Variants in BORCS5 observed in about 807,000 individuals in gnomAD.
The protein encoded by BORCS5 is BLOC-1 related complex subunit 5.
In BORCS5, 17 loss-of-function variants were observed where a neutral mutation model predicts 22.1. The ratio of observed to expected loss-of-function variants is 0.77; its 90% CI spans 0.53 to 1.15. The LOEUF (loss-of-function observed/expected upper bound fraction) is 1.15, where lower values mean the gene tolerates loss of function less well. Ranked by LOEUF, BORCS5 falls within the 50% of genes most tolerant of loss-of-function variation. BORCS5 has a pLI of 0.00. For missense variants in BORCS5, 247 were observed against 253.2 expected (o/e 0.98, Z 0.17); for synonymous variants, 117 against 99.8 (o/e 1.17, Z -1.03).
chr12:12,455,435 T>G (rs1336925996), intron 3 of BORCS5, among the ~76,000 whole-genome samples: 1 of 152,190 alleles, frequency 6.6e-6, no homozygotes, highest in Admixed American at 6.5e-5. Context: ...AGACACCACA[T>G]TAAAAGCTAA....
At chr12:12,397,001 A>G (rs935428750) in intron 2 of BORCS5, among the ~76,000 whole-genome samples, 1 of 152,206 alleles carries the variant, frequency 6.6e-6, no homozygotes, top group South Asian at 2.1e-4. Flanking sequence ...TAAAATACAC[A>G]TGCACGCATG....
intron 2 of BORCS5, among the ~76,000 whole-genome samples, chr12:12,394,602 C>A (rs887344675): frequency 1.3e-5 from 2 of 151,810 alleles, no homozygotes; most frequent in Non-Finnish European, 2.9e-5. Flanking sequence ...CTCCTGGGCT[C>A]AAGTGTCTGC....
At chr12:12,385,751 G>T (rs1161598548) in intron 2 of BORCS5, among the ~76,000 whole-genome samples, 1 of 150,946 alleles carries the variant, frequency 6.6e-6, no homozygotes, top group East Asian at 1.9e-4. Context: ...CTCGTGATCC[G>T]CCTGCCTCGG....
At chr12:12,405,210 C>T (rs900747211) in intron 2 of BORCS5, among the ~76,000 whole-genome samples, 1 of 152,164 alleles carries the variant, frequency 6.6e-6, no homozygotes, top group Non-Finnish European at 1.5e-5. Flanking sequence ...AGCTGTGTTG[C>T]TACTGAAAAC....
intron 2 of BORCS5, among the ~76,000 whole-genome samples, chr12:12,428,683 A>G (rs896010671): frequency 1.3e-5 from 2 of 152,198 alleles, no homozygotes; most frequent in South Asian, 2.1e-4. Flanking sequence ...ATGTGGATCA[A>G]CGTTCTTCTT....
chr12:12,396,886 A>C (rs573631435), intron 2 of BORCS5, among the ~76,000 whole-genome samples: 1 of 152,272 alleles, frequency 6.6e-6, no homozygotes, highest in African/African-American at 2.4e-5. Context: ...AATGCTCAGC[A>C]TACTTTTTGA....
chr12:12,376,490 C>G (rs957546622), intron 2 of BORCS5, among the ~76,000 whole-genome samples: 1 of 152,188 alleles, frequency 6.6e-6, no homozygotes, highest in Admixed American at 6.5e-5. Context: ...GCCTCGGCCT[C>G]CCAAAGTGCT....
chr12:12,437,142 A>G (rs942101007), intron 3 of BORCS5, among the ~76,000 whole-genome samples: 1 of 152,248 alleles, frequency 6.6e-6, no homozygotes, highest in Admixed American at 6.5e-5. Flanking sequence ...CCCACATGTC[A>G]TGGGAGGGAC....
At chr12:12,444,307 G>A (rs993542918) in intron 3 of BORCS5, among the ~76,000 whole-genome samples, 1 of 152,190 alleles carries the variant, frequency 6.6e-6, no homozygotes, top group African/African-American at 2.4e-5. Flanking sequence ...TTTATTTGTT[G>A]CTCTTGTTCA....
chr12:12,369,745 GAA>G (rs1863484320), intron 2 of BORCS5, among the ~76,000 whole-genome samples: 1 of 47,952 alleles, frequency 2.1e-5, no homozygotes, highest in Non-Finnish European at 3.2e-5. Flanking sequence ...TTTTTTTTGA[GAA>G]AAAGTCTTGC....
chr12:12,410,781 G>T (rs530499164), intron 2 of BORCS5, among the ~76,000 whole-genome samples: 3 of 152,176 alleles, frequency 2.0e-5, no homozygotes, highest in African/African-American at 7.2e-5. Context: ...TTGGTAGCTT[G>T]ATGGGGATGG....
chr12:12,396,383 T>C (rs969102838), intron 2 of BORCS5, among the ~76,000 whole-genome samples: 5 of 152,224 alleles, frequency 3.3e-5, no homozygotes, highest in Non-Finnish European at 5.9e-5. Flanking sequence ...TAGCCTAGCA[T>C]CCGCACAATG....
chr12:12,425,467 G>T (rs1942262313), intron 2 of BORCS5, among the ~76,000 whole-genome samples: 1 of 152,160 alleles, frequency 6.6e-6, no homozygotes, highest in African/African-American at 2.4e-5. Flanking sequence ...CACCAGCAAT[G>T]CACAAGGGTT....
chr12:12,438,411 T>A (rs1385094868), intron 3 of BORCS5, among the ~76,000 whole-genome samples: 1 of 136,914 alleles, frequency 7.3e-6, no homozygotes, highest in African/African-American at 2.8e-5. Context: ...CTCTAATCCA[T>A]ATCTGTTGTT....
At chr12:12,433,423 G>C (rs1592123926) in intron 2 of BORCS5, among the ~76,000 whole-genome samples, 1 of 151,320 alleles carries the variant, frequency 6.6e-6, no homozygotes, top group East Asian at 1.9e-4. Context: ...AGGATCTCTT[G>C]AGCTTAGGAG....
chr12:12,386,418 ATTTCAGTGTGGTGGG>A (rs1863881485), intron 2 of BORCS5, among the ~76,000 whole-genome samples: 1 of 147,690 alleles, frequency 6.8e-6, no homozygotes. Context: ...ATTTAGTGTA[ATTTCAGTGTGGTGGG>A]GTTAAAGTCC....
chr12:12,434,719 G>T (rs1354591323), intron 2 of BORCS5, among the ~76,000 whole-genome samples: 1 of 152,042 alleles, frequency 6.6e-6, no homozygotes, highest in East Asian at 1.9e-4. Context: ...GTATAAAGGG[G>T]TTATCATTAT....
intron 2 of BORCS5, among the ~76,000 whole-genome samples, chr12:12,378,224 T>C (rs1430061583): frequency 6.6e-6 from 1 of 152,036 alleles, no homozygotes; most frequent in Non-Finnish European, 1.5e-5. Flanking sequence ...ATACAAAAAG[T>C]AGCTAGGCAT....
At chr12:12,363,252 A>C (rs940525711) in intron 2 of BORCS5, among the ~76,000 whole-genome samples, 1 of 151,118 alleles carries the variant, frequency 6.6e-6, no homozygotes, top group Non-Finnish European at 1.5e-5. Flanking sequence ...AGCAGTAGTC[A>C]TGTCAGTACA....
Sources: allele counts gnomAD v4.1 joint callset (sites outside exome capture counted in the v4.1 genomes callset), GRCh38; gene constraint gnomAD v4.1.1; transcripts MANE v1.5; gene names NCBI Gene and HGNC (gene_info 2026-07-23, HGNC 2026-07-21).